Variants in CCDC148 observed in about 807,000 individuals in gnomAD.
CCDC148 encodes the protein coiled-coil domain-containing protein 148.
A neutral mutation model predicts 85.7 loss-of-function variants in CCDC148; 89 were observed. That is an observed-to-expected ratio of 1.04 (90% CI 0.87 to 1.24). CCDC148 has a LOEUF of 1.24. Among genes scored for constraint, CCDC148 ranks in the 50% most tolerant of loss-of-function variants. CCDC148 has a pLI of 0.00. For synonymous variants in CCDC148, 230 were observed against 213.9 expected (o/e 1.08, Z -0.66); for missense variants, 692 against 671.7 (o/e 1.03, Z -0.33).
chr2:158,371,769 T>A (rs1166039319), intron 1 of CCDC148, among the ~76,000 whole-genome samples: 2 of 151,758 alleles, frequency 1.3e-5, no homozygotes, highest in African/African-American at 4.8e-5. Flanking sequence ...AAGACAGAAA[T>A]TTTTCTCAAA....
At chr2:158,406,623 T>TCTGTTTTTTTTTTTGTTTTTG (rs372903099) in intron 1 of CCDC148, among the ~76,000 whole-genome samples, 1 of 102,890 alleles carries the variant, frequency 9.7e-6, no homozygotes, top group Non-Finnish European at 2.2e-5. Context: ...CTTTTTTTTT[T>TCTGTTTTTTTTTTTGTTTTTG]TTTTTTTTTT....
At chr2:158,306,923 G>A (rs985704969) in intron 9 of CCDC148, among the ~76,000 whole-genome samples, 3 of 151,410 alleles carry the variant, frequency 2.0e-5, no homozygotes, top group Admixed American at 6.6e-5. Flanking sequence ...GGAAGCTGAG[G>A]CAGGAGAATG....
intron 3 of CCDC148, among the ~76,000 whole-genome samples, chr2:158,344,856 C>T (rs1682913427): frequency 1.3e-5 from 2 of 151,926 alleles, no homozygotes; most frequent in South Asian, 4.2e-4. Context: ...AGATGTTTGC[C>T]CGTGATAGGA....
At chr2:158,440,442 T>C (rs1344118462) in intron 1 of CCDC148, among the ~76,000 whole-genome samples, 1 of 152,076 alleles carries the variant, frequency 6.6e-6, no homozygotes, top group Non-Finnish European at 1.5e-5. Context: ...AACAGGTAGA[T>C]GAATAAAGAA....
At chr2:158,452,243 G>T (rs1190124926) in intron 1 of CCDC148, among the ~76,000 whole-genome samples, 1 of 152,146 alleles carries the variant, frequency 6.6e-6, no homozygotes, top group Non-Finnish European at 1.5e-5. Flanking sequence ...AGGAAAGGGG[G>T]TATGGGGCTT....
chr2:158,379,205 A>C, intron 1 of CCDC148, among the ~76,000 whole-genome samples: 1 of 152,126 alleles, frequency 6.6e-6, no homozygotes, highest in East Asian at 1.9e-4. Context: ...CTTGTAAATA[A>C]CTTTGAGGGG....
At chr2:158,439,213 C>T (rs1015814517) in intron 1 of CCDC148, among the ~76,000 whole-genome samples, 4 of 152,190 alleles carry the variant, frequency 2.6e-5, no homozygotes, top group Admixed American at 6.5e-5. Context: ...ATAGCAAAGG[C>T]TTGGTACCAA....
chr2:158,417,702 C>T (rs887732045), intron 1 of CCDC148, among the ~76,000 whole-genome samples: 1 of 152,184 alleles, frequency 6.6e-6, no homozygotes, highest in Non-Finnish European at 1.5e-5. Context: ...TGCACTCCCC[C>T]ATAAATTAAG....
rs145887347 is a variant in CCDC148 at position 158,358,494 on chromosome 2, T to G, written c.102A>C (p.Ala34=). Residue 34 remains alanine, a synonymous_variant, in exon 2 of 14, where the codon GCA becomes GCC. Transcript: ENST00000283233. ...YKPVDYQQLR[A]LTEAKKLASA... is the part of the protein sequence containing the mutation. ...AAGCCAATTTCTTTGCTTCAGTTAA[T>G]GCACGCAATTGTTGATAGTCTACTG... 34 of 1,608,874 alleles carry G rather than the reference T, an allele frequency of 2.1e-5. No homozygotes were observed. In the African/African-American group the frequency reaches 4.0e-4, roughly 19 times the overall value.
intron 10 of CCDC148, among the ~76,000 whole-genome samples, chr2:158,247,153 C>T (rs982533564): frequency 6.6e-6 from 1 of 152,086 alleles, no homozygotes; most frequent in Admixed American, 6.5e-5. Flanking sequence ...TTATAAAGAG[C>T]TTTTACATAT....
intron 1 of CCDC148, among the ~76,000 whole-genome samples, chr2:158,391,512 C>T (rs1285492873): frequency 6.6e-6 from 1 of 152,042 alleles, no homozygotes; most frequent in Non-Finnish European, 1.5e-5. Flanking sequence ...ATGATCTTTC[C>T]TTATTTCTGA....
intron 1 of CCDC148, among the ~76,000 whole-genome samples, chr2:158,376,442 A>AT (rs1173069878): frequency 6.6e-6 from 1 of 152,112 alleles, no homozygotes; most frequent in Non-Finnish European, 1.5e-5. Context: ...CACAAAGGGT[A>AT]TTTTTAACAT....
intron 3 of CCDC148, among the ~76,000 whole-genome samples, chr2:158,343,171 C>G (rs1682815467): frequency 6.6e-6 from 1 of 152,134 alleles, no homozygotes; most frequent in Admixed American, 6.6e-5. Flanking sequence ...TGGTATGCAC[C>G]ACCACACCCT....
intron 11 of CCDC148, among the ~76,000 whole-genome samples, chr2:158,211,032 C>T (rs1217015231): frequency 1.3e-5 from 2 of 149,490 alleles, no homozygotes; most frequent in African/African-American, 4.9e-5. Flanking sequence ...CCAGGGCCTA[C>T]TTGGGGGTTG....
At chr2:158,417,896 A>C (rs1686576087) in intron 1 of CCDC148, among the ~76,000 whole-genome samples, 2 of 152,204 alleles carry the variant, frequency 1.3e-5, no homozygotes, top group Non-Finnish European at 2.9e-5. Flanking sequence ...AGGTAATTAA[A>C]AGATGGATAC....
At chr2:158,217,937 G>A (rs537258748) in intron 11 of CCDC148, among the ~76,000 whole-genome samples, 173 of 152,220 alleles carry the variant, frequency 1.1e-3, no homozygotes, top group African/African-American at 3.9e-3. Flanking sequence ...CCAATCAACC[G>A]AATTTCTTAG....
intron 8 of CCDC148, among the ~76,000 whole-genome samples, chr2:158,312,622 A>C (rs1180856421): frequency 6.6e-6 from 1 of 151,852 alleles, no homozygotes; most frequent in African/African-American, 2.4e-5. Flanking sequence ...AGTAAATGTA[A>C]AAATCTTTAT....
chr2:158,256,296 G>A (rs1408322978), intron 9 of CCDC148, among the ~76,000 whole-genome samples: 1 of 151,686 alleles, frequency 6.6e-6, no homozygotes, highest in African/African-American at 2.4e-5. Context: ...AATGGCTCAT[G>A]CAGTTCTTTC....
At chr2:158,192,978 T>C (rs1685493838) in intron 11 of CCDC148, among the ~76,000 whole-genome samples, 1 of 152,056 alleles carries the variant, frequency 6.6e-6, no homozygotes, top group African/African-American at 2.4e-5. Context: ...ACTCACATTT[T>C]CTCTCCAAGT....
Sources: gnomAD v4.1 joint callset for allele counts (sites outside exome capture counted in the v4.1 genomes callset) on GRCh38, gnomAD v4.1.1 for gene constraint, MANE v1.5 for transcripts, NCBI Gene and HGNC (gene_info 2026-07-23, HGNC 2026-07-21) for gene names.